Variants in FLNB observed in about 807,000 individuals in gnomAD.
FLNB encodes the protein filamin B, also known as filamin-B.
Under a neutral mutation model 250.6 loss-of-function variants are expected in FLNB, and 111 were observed. The observed-to-expected ratio is 0.44, with a 90% confidence interval of 0.38 to 0.52. FLNB has a LOEUF of 0.52. FLNB is among the 20% of genes least tolerant of loss of function. The pLI is 0.00. For missense variants in FLNB, 2,869 were observed against 3,447.8 expected (o/e 0.83, Z 4.20); for synonymous variants, 1,302 against 1,372.1 (o/e 0.95, Z 1.13).
chr3:58,053,059 G>A (rs924238109), intron 1 of FLNB, among the ~76,000 whole-genome samples: 1 of 152,180 alleles, frequency 6.6e-6, no homozygotes, highest in African/African-American at 2.4e-5. Context: ...GAGGAAAATG[G>A]AGTTTTTGAG....
chr3:58,115,053 C>T (rs1017617888), intron 18 of FLNB, among the ~76,000 whole-genome samples: 1 of 152,160 alleles, frequency 6.6e-6, no homozygotes, highest in African/African-American at 2.4e-5. Flanking sequence ...GGCTTCTTAT[C>T]TCCAGACTTG....
In FLNB at chr3:58,045,179, G is replaced by C. The variant is rs527392122; in HGVS notation, c.293-31867G>C. On this transcript the variant is annotated intron_variant, in intron 1 of 45. Coordinates refer to ENST00000295956, the MANE Select transcript of FLNB (RefSeq NM_001457.4). ...GGCTCTGCCTCCAGCATTAACACTT[G>C]GGGGTGGAGTTGGGGAATCATAGTA... Among the ~76,000 whole-genome samples the C allele has an allele frequency of 6.6e-5, 10 of 152,332 alleles. No individual in the cohort carries two copies. The South Asian group carries it at 1.2e-3, about 19-fold the overall frequency.
intron 38 of FLNB, chr3:58,152,748 C>G: frequency 7.5e-7 from 1 of 1,339,746 alleles, no homozygotes; most frequent in Non-Finnish European, 9.9e-7. Context: ...TCCTGTGGGG[C>G]TGGAGGGTGC....
At chr3:58,104,174 G>A (rs913550318) in intron 10 of FLNB, 89 bp downstream of exon 10, 11 of 1,337,788 alleles carry the variant, frequency 8.2e-6, no homozygotes, top group Admixed American at 2.1e-5. Context: ...CTGCAGGAGG[G>A]AAAGAGATCT....
chr3:58,010,897 G>A (rs966386273), intron 1 of FLNB, among the ~76,000 whole-genome samples: 3 of 151,792 alleles, frequency 2.0e-5, no homozygotes, highest in African/African-American at 4.8e-5. Flanking sequence ...TGGTTCTCCT[G>A]ATTCCCTGCT....
intron 20 of FLNB, among the ~76,000 whole-genome samples, chr3:58,122,683 G>C (rs568184975): frequency 1.3e-5 from 2 of 152,242 alleles, no homozygotes; most frequent in African/African-American, 4.8e-5. Context: ...TGCAGAATTT[G>C]TTGAGCAAAT....
intron 1 of FLNB, among the ~76,000 whole-genome samples, chr3:58,038,807 C>T (rs2097141835): frequency 6.6e-6 from 1 of 152,078 alleles, no homozygotes; most frequent in Admixed American, 6.6e-5. Context: ...TGCCCTGCCC[C>T]TTGTTAGGAA....
chr3:58,066,565 C>T (rs2097186011), intron 1 of FLNB, among the ~76,000 whole-genome samples: 2 of 152,152 alleles, frequency 1.3e-5, no homozygotes, highest in South Asian at 2.1e-4. Context: ...TTGGAATCCT[C>T]GTTTTGACTT....
chr3:58,042,823 T>A (rs1332825544), intron 1 of FLNB, among the ~76,000 whole-genome samples: 4 of 152,172 alleles, frequency 2.6e-5, no homozygotes, highest in African/African-American at 9.7e-5. Flanking sequence ...TATAGATTTA[T>A]CCCTTCTTTC....
At chr3:58,065,894 GT>G (rs1172623733) in intron 1 of FLNB, among the ~76,000 whole-genome samples, 8 of 152,322 alleles carry the variant, frequency 5.3e-5, no homozygotes, top group Admixed American at 2.6e-4. Flanking sequence ...AGCTGGAAAT[GT>G]TTGCCGAGCA....
chr3:58,082,711 C>T (rs752534614), intron 4 of FLNB, among the ~76,000 whole-genome samples: 1 of 151,628 alleles, frequency 6.6e-6, no homozygotes, highest in Admixed American at 6.6e-5. Flanking sequence ...GCAGAGGTTG[C>T]ATCGAGCCGA....
chr3:58,096,798 C>G (rs1038934226), intron 6 of FLNB, among the ~76,000 whole-genome samples: 3 of 152,204 alleles, frequency 2.0e-5, no homozygotes, highest in African/African-American at 7.2e-5. Flanking sequence ...CATGAGCCAC[C>G]ACACCCTGCT....
intron 18 of FLNB, 51 bp from the exon 19 acceptor site, chr3:58,118,821 A>C (rs534512668): frequency 7.3e-7 from 1 of 1,375,334 alleles, no homozygotes; most frequent in Non-Finnish European, 1.0e-6. Flanking sequence ...TTAAATGCCA[A>C]GTTAGCTTTT....
chr3:58,123,547 A>T lies in FLNB; in HGVS notation c.3581A>T (p.Tyr1194Phe), dbSNP rs959065072. The T allele has an allele frequency of 1.2e-6, 2 of 1,609,474 alleles. No individual in the cohort carries two copies. The highest frequency in any genetic ancestry group is 8.5e-7 in the Non-Finnish European group (1 of 1,178,084). The change falls in exon 21 of 46, where the codon TAC (tyrosine) becomes TTC (phenylalanine). Residue 1194 changes from tyrosine (Y) to phenylalanine (F), a missense_variant. Tyr to Phe is a conservative substitution (Grantham distance 22). This residue lies in a region of FLNB where 1,348 missense variants were observed against 1,466.7 expected (regional missense o/e 0.92). Coordinates refer to ENST00000295956, the MANE Select transcript of FLNB (RefSeq NM_001457.4). ...AAAGATGGCACCTACGCGGTGACCT[A>T]CGTGCCCCTGACGGCCGGCATGTAC... ...NNKDGTYAVT[Y>F]VPLTAGMYTL...
intron 1 of FLNB, among the ~76,000 whole-genome samples, chr3:58,042,583 T>G (rs1356605314): frequency 1.3e-5 from 2 of 152,022 alleles, no homozygotes; most frequent in African/African-American, 4.8e-5. Flanking sequence ...AGCACGATCA[T>G]GGCTCACTGC....
chr3:58,090,058 A>G (rs148707387), intron 4 of FLNB, among the ~76,000 whole-genome samples: 75 of 152,214 alleles, frequency 4.9e-4, no homozygotes, highest in African/African-American at 1.8e-3. Context: ...AGGTGATCCA[A>G]AGTGCTGGGA....
chr3:58,016,173 C>T (rs1198711071), intron 1 of FLNB, among the ~76,000 whole-genome samples: 1 of 147,196 alleles, frequency 6.8e-6, no homozygotes, highest in Non-Finnish European at 1.5e-5. Context: ...GATTCTCCTG[C>T]CTGAGCCTCC....
intron 34 of FLNB, 68 bp from the exon 35 acceptor site, chr3:58,148,138 G>A: frequency 6.6e-7 from 1 of 1,507,934 alleles, no homozygotes; most frequent in African/African-American, 1.4e-5. Context: ...ACAGCATATG[G>A]CATGGCAGCT....
chr3:58,085,045 G>A (rs551457153), intron 4 of FLNB, among the ~76,000 whole-genome samples: 5 of 152,066 alleles, frequency 3.3e-5, no homozygotes, highest in African/African-American at 1.2e-4. Flanking sequence ...TCCTTTGTAC[G>A]TGTATATCAC....
Sources: allele counts gnomAD v4.1 joint callset (sites outside exome capture counted in the v4.1 genomes callset), GRCh38; gene constraint gnomAD v4.1.1; regional missense constraint gnomAD v4.1.1; transcripts MANE v1.5; gene names NCBI Gene and HGNC (gene_info 2026-07-23, HGNC 2026-07-21).